The following ZNF521 variants were observed in gnomAD, a reference collection of about 807,000 sequenced individuals.
The protein encoded by ZNF521 is zinc finger protein 521, also known as LYST-interacting protein 3.
In ZNF521, 14 loss-of-function variants were observed where a neutral mutation model predicts 105.5. That is an observed-to-expected ratio of 0.13 (90% CI 0.09 to 0.21). The LOEUF (loss-of-function observed/expected upper bound fraction) is 0.21, where lower values mean the gene tolerates loss of function less well. Ranked by LOEUF, ZNF521 falls within the 10% of genes least tolerant of loss-of-function variation. The pLI, the probability that ZNF521 is intolerant of heterozygous loss-of-function variation, is 1.00. For missense variants in ZNF521, 1,233 were observed against 1,629.7 expected, an observed-to-expected ratio of 0.76 and a Z score of 4.19; for synonymous variants, 635 against 606.0, an observed-to-expected ratio of 1.05 and a Z score of -0.70.
intron 5 of ZNF521, among the ~76,000 whole-genome samples, chr18:25,162,717 G>A (rs560224422): frequency 6.6e-6 from 1 of 152,284 alleles, no homozygotes; most frequent in East Asian, 1.9e-4. Flanking sequence ...ATTTGGGGTT[G>A]GATGTGGTTC....
intron 3 of ZNF521, among the ~76,000 whole-genome samples, chr18:25,255,764 G>A (rs1027131505): frequency 4.0e-5 from 6 of 151,706 alleles, no homozygotes; most frequent in East Asian, 3.9e-4. Flanking sequence ...TTAAGCATAC[G>A]ACCCAGCAAT....
chr18:25,312,521 G>A (rs1467641511), intron 3 of ZNF521, among the ~76,000 whole-genome samples: 1 of 110,348 alleles, frequency 9.1e-6, no homozygotes, highest in Admixed American at 9.6e-5. Context: ...TGGTTCAGAA[G>A]TTGGAACCAG....
intron 7 of ZNF521, among the ~76,000 whole-genome samples, chr18:25,068,742 G>A (rs1398690924): frequency 1.3e-5 from 2 of 152,296 alleles, no homozygotes; most frequent in Non-Finnish European, 1.5e-5. Context: ...GGGCAATGGA[G>A]GGACAGAAGC....
At chr18:25,327,375 T>C in intron 2 of ZNF521, 3 of 1,051,070 alleles carry the variant, frequency 2.9e-6, no homozygotes, top group African/African-American at 1.7e-5. Context: ...TGTCTAATGA[T>C]GTTGTATTTA....
intron 5 of ZNF521, among the ~76,000 whole-genome samples, chr18:25,169,827 C>G (rs949936656): frequency 6.6e-6 from 1 of 152,162 alleles, no homozygotes; most frequent in Non-Finnish European, 1.5e-5. Context: ...AAAGGTTAAT[C>G]TCACTATACT....
At chr18:25,063,774 C>T (rs1391526412) in intron 7 of ZNF521, among the ~76,000 whole-genome samples, 2 of 152,196 alleles carry the variant, frequency 1.3e-5, no homozygotes, top group Non-Finnish European at 2.9e-5. Flanking sequence ...CTCTCCTCCT[C>T]TGTGCTTTCC....
At chr18:25,085,653 A>ATATG (rs1491212238) in intron 7 of ZNF521, among the ~76,000 whole-genome samples, 2 of 144,258 alleles carry the variant, frequency 1.4e-5, no homozygotes, top group African/African-American at 5.2e-5. Context: ...CCATATATAT[A>ATATG]TGTGTGTGTG....
At chr18:25,265,534 T>C (rs1321254543) in intron 3 of ZNF521, among the ~76,000 whole-genome samples, 1 of 152,178 alleles carries the variant, frequency 6.6e-6, no homozygotes. Context: ...GCTCTACATA[T>C]CCATCCTCCT....
rs367991986 is a variant in ZNF521, at chr18:25,226,994, C to T, written c.924G>A (p.Lys308=). Residue 308 remains lysine (K), a synonymous_variant, in exon 4 of 8, where the codon AAG becomes AAA. Coordinates refer to ENST00000361524, the MANE Select transcript of ZNF521 (RefSeq NM_015461.3). This position sits in a 1 kb window ranked among gnomAD's most constrained non-coding sequence, Gnocchi z 4.1. The stretch of plus-strand genomic sequence containing the variant: ...CAGAACAAATGCTGCATGAGTTCTT[C>T]TTCTCCCCGCTATGCACCTGCTCCA... ...NHMEQVHSGE[K]KNSCSICSES... 211 of 1,614,118 alleles carry T rather than the reference C, an allele frequency of 1.3e-4. No homozygotes were observed. The highest frequency in any genetic ancestry group is 1.7e-4 in the Non-Finnish European group (206 of 1,180,018).
chr18:25,236,192 GT>G (rs1300386396), intron 3 of ZNF521, among the ~76,000 whole-genome samples: 5 of 152,176 alleles, frequency 3.3e-5, no homozygotes, highest in African/African-American at 1.2e-4. Flanking sequence ...CTGCTCCTCA[GT>G]TTTATGCATT....
intron 3 of ZNF521, among the ~76,000 whole-genome samples, chr18:25,304,100 T>G (rs746935269): frequency 1.3e-5 from 2 of 152,184 alleles, no homozygotes; most frequent in Non-Finnish European, 2.9e-5. Flanking sequence ...CTGAAGAAAA[T>G]TTACATTTGA....
intron 5 of ZNF521, among the ~76,000 whole-genome samples, chr18:25,102,061 A>G (rs535692318): frequency 1.1e-4 from 16 of 152,324 alleles, no homozygotes; most frequent in African/African-American, 3.8e-4. Flanking sequence ...GTCTTCTTCC[A>G]GACTATATTT....
chr18:25,236,620 G>A (rs897523369), intron 3 of ZNF521, among the ~76,000 whole-genome samples: 1 of 152,022 alleles, frequency 6.6e-6, no homozygotes, highest in African/African-American at 2.4e-5. Flanking sequence ...CTACAGTAGG[G>A]CCAATCACTA....
intron 3 of ZNF521, among the ~76,000 whole-genome samples, chr18:25,294,956 A>T (rs1467504231): frequency 1.4e-5 from 2 of 147,808 alleles, no homozygotes; most frequent in Middle Eastern, 3.4e-3. Context: ...AGTTTCTTTT[A>T]AAAAAAATTG....
intron 3 of ZNF521, among the ~76,000 whole-genome samples, chr18:25,232,918 T>C (rs746314490): frequency 2.0e-5 from 3 of 152,224 alleles, no homozygotes; most frequent in Non-Finnish European, 4.4e-5. Context: ...ATAGGAGCAG[T>C]TCTGAAATTT....
chr18:25,066,525 A>G (rs2033065421), intron 7 of ZNF521, among the ~76,000 whole-genome samples: 1 of 152,222 alleles, frequency 6.6e-6, no homozygotes, highest in Non-Finnish European at 1.5e-5. Flanking sequence ...GGTCTCGACT[A>G]AAGATTCTCT....
intron 2 of ZNF521, among the ~76,000 whole-genome samples, chr18:25,348,624 C>T (rs1914566083): frequency 6.6e-6 from 1 of 152,026 alleles, no homozygotes; most frequent in Non-Finnish European, 1.5e-5. Flanking sequence ...CTGTGTTCCG[C>T]GCCCACACAG....
chr18:25,328,443 ACACACG>A (rs1455046498), intron 2 of ZNF521, among the ~76,000 whole-genome samples: 2 of 145,128 alleles, frequency 1.4e-5, no homozygotes, highest in Non-Finnish European at 3.1e-5. Context: ...ACACACACAC[ACACACG>A]CATTCACTTT....
In ZNF521 at chr18:25,195,150, T is replaced by C. The variant is rs760957508; in HGVS notation, c.3658+10A>G. 2 of 1,591,488 alleles carry C rather than the reference T, an allele frequency of 1.3e-6. No homozygotes were observed. The highest frequency in any genetic ancestry group is 1.7e-6 in the Non-Finnish European group (2 of 1,166,158). The stretch of plus-strand genomic sequence containing the variant: ...CATCTATCTGTAATAAGGTTTAGAG[T>C]GTCACTCACCAATCATGTGATTTGC... On this transcript the variant is annotated intron_variant, in intron 5 of 7. Coordinates refer to ENST00000361524, the MANE Select transcript of ZNF521 (RefSeq NM_015461.3).
Sources: allele counts gnomAD v4.1 joint callset (sites outside exome capture counted in the v4.1 genomes callset), GRCh38; gene constraint gnomAD v4.1.1; non-coding constraint Gnocchi (gnomAD v3.1); transcripts MANE v1.5; gene names NCBI Gene and HGNC (gene_info 2026-07-23, HGNC 2026-07-21).